BCL2L1: variants seen among roughly 807,000 people sequenced by gnomAD.
The protein encoded by BCL2L1 is BCL2 like 1.
A neutral mutation model predicts 18.7 loss-of-function variants in BCL2L1; 1 was observed. The ratio of observed to expected loss-of-function variants is 0.05; its 90% CI spans 0.02 to 0.25. The LOEUF (loss-of-function observed/expected upper bound fraction) is 0.25, where lower values mean the gene tolerates loss of function less well. BCL2L1 is among the 10% of genes least tolerant of loss of function. The probability of loss-of-function intolerance (pLI) is 1.00; values close to 1 mark genes in which losing one functional copy is unlikely to be tolerated. For missense variants in BCL2L1, 207 were observed against 304.9 expected (o/e 0.68, Z 2.39); for synonymous variants, 103 against 122.7 (o/e 0.84, Z 1.06).
At chr20:31,708,274 G>T (rs548104381) in intron 2 of BCL2L1, among the ~76,000 whole-genome samples, 1 of 152,176 alleles carries the variant, frequency 6.6e-6, no homozygotes, top group Non-Finnish European at 1.5e-5. Flanking sequence ...TGGGGTTGGG[G>T]GGCACACACA....
chr20:31,715,026 G>C (rs1226534641), intron 2 of BCL2L1, among the ~76,000 whole-genome samples: 2 of 152,122 alleles, frequency 1.3e-5, no homozygotes, highest in African/African-American at 4.8e-5. Flanking sequence ...TGTAATTCCA[G>C]CACTTTAGGA....
intron 2 of BCL2L1, among the ~76,000 whole-genome samples, chr20:31,693,529 C>T (rs541330664): frequency 6.6e-6 from 1 of 151,882 alleles, no homozygotes; most frequent in South Asian, 2.1e-4. Context: ...AAGGTACTCA[C>T]GTTTATTTTT....
At chr20:31,723,803 G>A (rs2061674029), upstream of BCL2L1, 1 of 985,482 alleles carries the variant, frequency 1.0e-6, no homozygotes, top group Non-Finnish European at 1.2e-6. Flanking sequence ...AGACGCAAGA[G>A]CTCTTCGCGG....
upstream of BCL2L1, chr20:31,723,344 T>C (rs2061667237): frequency 1.0e-6 from 1 of 985,420 alleles, no homozygotes; most frequent in East Asian, 1.1e-4. Context: ...GCTGGGCCTC[T>C]CCTCAGGTCA....
intron 2 of BCL2L1, among the ~76,000 whole-genome samples, chr20:31,669,604 T>G (rs937183405): frequency 8.6e-5 from 13 of 151,918 alleles, no homozygotes; most frequent in Non-Finnish European, 1.6e-4. Context: ...CACGCCTAGC[T>G]AATTTTTGTA....
At chr20:31,709,488 A>G (rs1020500122) in intron 2 of BCL2L1, among the ~76,000 whole-genome samples, 2 of 151,896 alleles carry the variant, frequency 1.3e-5, no homozygotes, top group Non-Finnish European at 2.9e-5. Flanking sequence ...CAGCCTCCCA[A>G]GTAGCTGGGA....
chr20:31,684,864 T>C (rs2122565337), intron 2 of BCL2L1, among the ~76,000 whole-genome samples: 1 of 152,198 alleles, frequency 6.6e-6, no homozygotes, highest in Non-Finnish European at 1.5e-5. Context: ...CAAAGAAAAA[T>C]ACCAGGGATT....
At chr20:31,719,557 C>A (rs1378204981) in intron 2 of BCL2L1, among the ~76,000 whole-genome samples, 1 of 152,180 alleles carries the variant, frequency 6.6e-6, no homozygotes, top group Non-Finnish European at 1.5e-5. Context: ...CTGGCTCTTC[C>A]ACACACATCC....
chr20:31,668,467 C>G (rs926899572), intron 2 of BCL2L1, among the ~76,000 whole-genome samples: 4 of 151,820 alleles, frequency 2.6e-5, no homozygotes, highest in African/African-American at 7.3e-5. Flanking sequence ...CCACCATGCC[C>G]AGCTAATTTT....
At position 31,665,756 on chromosome 20, in the gene BCL2L1, T is replaced by C. The variant is rs2060576433; in HGVS notation, c.*193A>G. On this transcript the variant is annotated 3_prime_UTR_variant, in exon 3 of 3. Transcript: ENST00000307677. ...AATTCTGAGGCCAAGGGAACTGAGGTGTGGGGGTCTCACAGAAGTGTGATA... is the reference window on the plus strand; with the variant it reads ...AATTCTGAGGCCAAGGGAACTGAGGCGTGGGGGTCTCACAGAAGTGTGATA... 1 of 697,606 alleles carries C rather than the reference T, an allele frequency of 1.4e-6. No individual in the cohort carries two copies. Among genetic ancestry groups the C allele is most frequent in the Non-Finnish European group, 2.3e-6 (1 of 429,286 alleles). The allele number at this position is 697,606 out of a possible 1,614,324, so 43.2% of individuals were successfully genotyped here.
intron 2 of BCL2L1, among the ~76,000 whole-genome samples, chr20:31,678,911 T>G (rs1308398906): frequency 1.3e-5 from 2 of 152,174 alleles, no homozygotes; most frequent in East Asian, 3.8e-4. Context: ...CTCCCCACTG[T>G]ACAGATGAAT....
chr20:31,671,872 C>A (rs1269802888), intron 2 of BCL2L1, among the ~76,000 whole-genome samples: 1 of 147,546 alleles, frequency 6.8e-6, no homozygotes, highest in Non-Finnish European at 1.5e-5. Context: ...TATATACACA[C>A]AATATGTAGT....
At chr20:31,705,776 C>G (rs1384394988) in intron 2 of BCL2L1, among the ~76,000 whole-genome samples, 1 of 152,212 alleles carries the variant, frequency 6.6e-6, no homozygotes, top group Non-Finnish European at 1.5e-5. Flanking sequence ...ACTAGCACCA[C>G]TAAATCAGAC....
chr20:31,693,392 G>T (rs1327487586), intron 2 of BCL2L1, among the ~76,000 whole-genome samples: 1 of 152,026 alleles, frequency 6.6e-6, no homozygotes, highest in Non-Finnish European at 1.5e-5. Flanking sequence ...AGGCTGAAGT[G>T]AGGTATGATC....
At chr20:31,717,148 C>T (rs1243894851) in intron 2 of BCL2L1, among the ~76,000 whole-genome samples, 5 of 152,198 alleles carry the variant, frequency 3.3e-5, no homozygotes, top group African/African-American at 9.7e-5. Context: ...ACCCCTATGT[C>T]TATCCACATT....
At chr20:31,693,075 A>AC (rs200654280) in intron 2 of BCL2L1, among the ~76,000 whole-genome samples, 1,715 of 150,916 alleles carry the variant, frequency 0.011, 35 homozygotes, top group African/African-American at 0.04. Flanking sequence ...TCTCAAAAAA[A>AC]AAAAACAAAA....
chr20:31,708,866 G>A (rs1215289759), intron 2 of BCL2L1, among the ~76,000 whole-genome samples: 1 of 152,186 alleles, frequency 6.6e-6, no homozygotes, highest in African/African-American at 2.4e-5. Context: ...CAGGTGGCAG[G>A]AGACAGGTGA....
chr20:31,704,082 G>T (rs2061330826), intron 2 of BCL2L1, among the ~76,000 whole-genome samples: 1 of 149,034 alleles, frequency 6.7e-6, no homozygotes, highest in Non-Finnish European at 1.5e-5. Flanking sequence ...ACAGGCATGA[G>T]CCACTGCACC....
At chr20:31,677,891 G>C (rs942827598) in intron 2 of BCL2L1, among the ~76,000 whole-genome samples, 6 of 152,364 alleles carry the variant, frequency 3.9e-5, no homozygotes, top group Middle Eastern at 3.4e-3. Context: ...GTCCAGAGAA[G>C]GTGCTGAAGA....
Sources: allele counts gnomAD v4.1 joint callset (sites outside exome capture counted in the v4.1 genomes callset), GRCh38; gene constraint gnomAD v4.1.1; transcripts MANE v1.5; gene names NCBI Gene and HGNC (gene_info 2026-07-23, HGNC 2026-07-21).